The following TRPV2 variants were observed in gnomAD, a reference collection of about 807,000 sequenced individuals.
TRPV2 encodes the protein OTRPC2.
In TRPV2, 58 loss-of-function variants were observed where a neutral mutation model predicts 91.0. The observed-to-expected ratio is 0.64, with a 90% CI of 0.52 to 0.79. The LOEUF (loss-of-function observed/expected upper bound fraction) is 0.79. Ranked by LOEUF, TRPV2 falls within the 30% of genes least tolerant of loss-of-function variation. The probability of loss-of-function intolerance (pLI) is 0.00; values close to 1 mark genes in which losing one functional copy is unlikely to be tolerated. For missense variants in TRPV2, 807 were observed against 969.6 expected, an observed-to-expected ratio of 0.83 and a Z score of 2.23; for synonymous variants, 417 against 414.8, an observed-to-expected ratio of 1.01 and a Z score of -0.06.
chr17:16,428,991 AG>A lies in TRPV2; in HGVS notation c.1587+14del. 2 of 1,613,890 alleles carry A rather than the reference AG, an allele frequency of 1.2e-6. No homozygotes were observed. Among genetic ancestry groups the A allele is most frequent in the Non-Finnish European group, 1.7e-6 (2 of 1,179,932 alleles). On this transcript the variant is annotated intron_variant, in intron 10 of 14. Coordinates refer to ENST00000338560, the MANE Select transcript of TRPV2 (RefSeq NM_016113.5). Reference sequence around the variant, plus strand: ...GTGTCATGATCCAGAAGGTGAGAGAAGGGGGTGGCCCACCGGGACTCTTTTG... The same window carrying A: ...GTGTCATGATCCAGAAGGTGAGAGAAGGGGTGGCCCACCGGGACTCTTTTG...
intron 10 of TRPV2, 131 bp from the exon 11 acceptor site, chr17:16,431,653 C>T (rs2093413119): frequency 1.3e-6 from 1 of 781,276 alleles, no homozygotes; most frequent in African/African-American, 1.7e-5. Context: ...TCCACAGGCC[C>T]ACATATGCAT....
Position 16,422,847 on chromosome 17 carries a change from G to C in TRPV2, c.583G>C (p.Gly195Arg). Residue 195 changes from glycine (G) to arginine (R), a missense_variant, in exon 4 of 15, where the codon GGC becomes CGC. Gly to Arg is a moderately radical substitution (Grantham distance 125). Transcript: ENST00000338560. Reference sequence around the variant, plus strand: ...GGCCAATGTGCATGCCCGGGCCTGCGGCCGCTTCTTCCAGAAGGGCCAAGG... The same window carrying C: ...GGCCAATGTGCATGCCCGGGCCTGCCGCCGCTTCTTCCAGAAGGGCCAAGG... ...NGANVHARAC[G>R]RFFQKGQGTC... 6.4e-7 allele frequency: 1 copy of C among 1,571,606 alleles called. No individual in the cohort carries two copies. Among genetic ancestry groups the C allele is most frequent in the Non-Finnish European group, 8.6e-7 (1 of 1,156,488 alleles).
chr17:16,436,673 C>A, intron 14 of TRPV2, 116 bp from the exon 15 acceptor site: 1 of 734,786 alleles, frequency 1.4e-6, no homozygotes, highest in Non-Finnish European at 2.4e-6. Flanking sequence ...TCCAGGATCG[C>A]TGAGGCTGTC....
At chr17:16,428,751 A>G in intron 9 of TRPV2, 66 bp from the exon 10 acceptor site, 1 of 1,597,416 alleles carries the variant, frequency 6.3e-7, no homozygotes, top group Non-Finnish European at 8.6e-7. Context: ...CTTGGTCAGC[A>G]TAGGCCAGTG....
chr17:16,429,028 G>A, intron 10 of TRPV2, 46 bp downstream of exon 10: 1 of 1,599,688 alleles, frequency 6.3e-7, no homozygotes, highest in Non-Finnish European at 8.5e-7. Context: ...GCCTCATCAG[G>A]CAAGAAGAGC....
intron 10 of TRPV2, among the ~76,000 whole-genome samples, chr17:16,431,277 A>ATATATATGTATG (rs1340471389): frequency 6.6e-5 from 5 of 75,740 alleles, no homozygotes; most frequent in African/African-American, 2.9e-4. Flanking sequence ...ATATATATAT[A>ATATATATGTATG]TATATATATA....
Position 16,423,776 on chromosome 17 carries a change from C to A in TRPV2, c.924+9C>A. ...AGGAGGGCAAGATCGAGGTGAGCGG[C>A]TGTCCCCTTCCCACTTCCCCTCTCC... is the stretch of plus-strand genomic sequence containing the variant. On this transcript the variant is annotated intron_variant, in intron 5 of 14. Transcript: ENST00000338560. The A allele has an allele frequency of 6.5e-7, 1 of 1,549,090 alleles. No homozygotes were observed. Among genetic ancestry groups the A allele is most frequent in the Non-Finnish European group, 8.7e-7 (1 of 1,144,946 alleles).
chr17:16,436,046 C>T (rs1375426234), intron 14 of TRPV2, among the ~76,000 whole-genome samples: 2 of 152,116 alleles, frequency 1.3e-5, no homozygotes, highest in African/African-American at 4.8e-5. Flanking sequence ...TATGTCACCC[C>T]ACCCCCTCCT....
intron 12 of TRPV2, among the ~76,000 whole-genome samples, chr17:16,432,816 T>C (rs2093419587): frequency 6.6e-6 from 1 of 151,764 alleles, no homozygotes; most frequent in Non-Finnish European, 1.5e-5. Flanking sequence ...TTTTTTTTTT[T>C]TTTTTGAGTC....
At position 16,431,963 on chromosome 17, in the gene TRPV2, T is replaced by TA. The variant is rs2093414861; in HGVS notation, c.1655-2dup. 1 of 1,607,354 alleles carries TA rather than the reference T, an allele frequency of 6.2e-7. No individual in the cohort carries two copies. The highest frequency in any genetic ancestry group is 1.3e-5 in the African/African-American group (1 of 74,754). On this transcript the variant is annotated splice_polypyrimidine_tract_variant and splice_region_variant and intron_variant, in intron 11 of 14. Coordinates refer to ENST00000338560, the MANE Select transcript of TRPV2 (RefSeq NM_016113.5). ...TAAGGACCCCTCTCCCTTCATCCCA[T>TA]AGCCCTGGTGAGCCTGAGCCAGGAG...
chr17:16,422,321 T>TAAAA (rs2093361583), intron 3 of TRPV2, among the ~76,000 whole-genome samples: 1 of 63,114 alleles, frequency 1.6e-5, no homozygotes, highest in African/African-American at 7.8e-5. Context: ...AGACTCTGTC[T>TAAAA]CAAAAAAAAA....
chr17:16,415,867 G>A lies in TRPV2; in HGVS notation c.-108+34G>A, dbSNP rs1233225552. The A allele has an allele frequency of 6.6e-6, 1 of 152,426 alleles. No individual in the cohort carries two copies. Among genetic ancestry groups the A allele is most frequent in the Non-Finnish European group, 1.5e-5 (1 of 68,244 alleles). The allele number at this position is 152,426 out of a possible 1,614,324, so 9.4% of individuals were successfully genotyped here. A position where few individuals can be genotyped will look rare whatever the true frequency, so the allele number is the denominator to read the frequency against. ...GTGGGCAATGCTGGGGACGTTGGAG[G>A]GGGCCGGGTCTCCAAGCCTGACAGT... On this transcript the variant is annotated intron_variant, in intron 1 of 14. Coordinates refer to ENST00000338560, the MANE Select transcript of TRPV2 (RefSeq NM_016113.5). The surrounding 1 kb of genome is among the most constrained non-coding windows in gnomAD (Gnocchi z 4.5).
Position 16,427,488 on chromosome 17 carries a change from A to G in TRPV2, c.1291A>G (p.Met431Val). Residue 431 changes from methionine (M) to valine (V), a missense_variant, in exon 8 of 15, where the codon ATG (methionine) becomes GTG (valine). Physicochemically the swap from Met to Val is conservative, Grantham distance 21. Transcript: ENST00000338560. ...CCTGAAAGCGGAGGTTGGAAACTCC[A>G]TGCTGCTGACGGGCCACATCCTTAT... Reference protein sequence around the residue: ...PHLKAEVGNSMLLTGHILILL... With the variant: ...PHLKAEVGNSVLLTGHILILL... 1 of 1,613,894 alleles carries G rather than the reference A, an allele frequency of 6.2e-7. No homozygotes were observed. The highest frequency in any genetic ancestry group is 8.5e-7 in the Non-Finnish European group (1 of 1,179,846).
At chr17:16,428,642 T>G in intron 9 of TRPV2, 175 bp from the exon 10 acceptor site, 1 of 745,426 alleles carries the variant, frequency 1.3e-6, no homozygotes, top group South Asian at 1.8e-5. Flanking sequence ...TTGAAAACAC[T>G]CTATGAGTCA....
At chr17:16,424,258 A>G (rs1233185698) in intron 5 of TRPV2, among the ~76,000 whole-genome samples, 5 of 151,942 alleles carry the variant, frequency 3.3e-5, no homozygotes, top group Non-Finnish European at 7.4e-5. Flanking sequence ...CCCAGGTTCA[A>G]GCAATTCTCC....
Position 16,431,791 on chromosome 17 carries a change from T to A in TRPV2, c.1595T>A (p.Leu532Gln). ...TGGGCACATGTGTTCCAGGTCATCC[T>A]GCGGGACCTGCTGCGCTTCCTTCTG... ...IYSVMIQKVI[L>Q]RDLLRFLLIY... Residue 532 changes from leucine to glutamine, a missense_variant, in exon 11 of 15, where the codon CTG becomes CAG. Coordinates refer to ENST00000338560, the MANE Select transcript of TRPV2 (RefSeq NM_016113.5). The A allele has an allele frequency of 6.2e-7, 1 of 1,614,138 alleles. No individual in the cohort carries two copies. The highest frequency in any genetic ancestry group is 8.5e-7 in the Non-Finnish European group (1 of 1,180,002).
rs1242172578 is a variant in TRPV2 at position 16,435,484 on chromosome 17, A to C, written c.2194+515A>C. Among the ~76,000 whole-genome samples, 1 of 151,772 alleles carries C rather than the reference A, an allele frequency of 6.6e-6. No individual in the cohort carries two copies. Among genetic ancestry groups the C allele is most frequent in the Admixed American group, 6.6e-5 (1 of 15,252 alleles). On this transcript the variant is annotated intron_variant, in intron 14 of 14. Coordinates refer to ENST00000338560, the MANE Select transcript of TRPV2 (RefSeq NM_016113.5). The surrounding 1 kb of genome is among the most constrained non-coding windows in gnomAD (Gnocchi z 4.2). Reference sequence around the variant, plus strand: ...AGAAACCACTTCCCATGCTTCCTCCATGTCCGTGGCCTGTGTCCTCTCCGT... The same window carrying C: ...AGAAACCACTTCCCATGCTTCCTCCCTGTCCGTGGCCTGTGTCCTCTCCGT...
chr17:16,435,506 C>T lies in TRPV2; in HGVS notation c.2194+537C>T, dbSNP rs1255055338. ...TCCATGTCCGTGGCCTGTGTCCTCT[C>T]CGTTCCAGTGTAGTGATGGCCCCTC... On this transcript the variant is annotated intron_variant, in intron 14 of 14. Transcript: ENST00000338560. This position sits in a 1 kb window ranked among gnomAD's most constrained non-coding sequence, Gnocchi z 4.2. Among the ~76,000 whole-genome samples, 1 of 152,156 alleles carries T rather than the reference C, an allele frequency of 6.6e-6. No individual in the cohort carries two copies. The highest frequency in any genetic ancestry group is 1.5e-5 in the Non-Finnish European group (1 of 68,010).
intron 5 of TRPV2, 144 bp from the exon 6 acceptor site, chr17:16,425,955 C>G: frequency 1.2e-6 from 1 of 819,258 alleles, no homozygotes; most frequent in Non-Finnish European, 1.9e-6. Flanking sequence ...AAACAAGGAC[C>G]TGCGTGTATG....
Sources: allele counts gnomAD v4.1 joint callset (sites outside exome capture counted in the v4.1 genomes callset), GRCh38; gene constraint gnomAD v4.1.1; non-coding constraint Gnocchi (gnomAD v3.1); transcripts MANE v1.5; gene names NCBI Gene and HGNC (gene_info 2026-07-23, HGNC 2026-07-21).